Variants in MON2 observed in about 807,000 individuals in gnomAD.
The protein encoded by MON2 is MON2 regulator of endosome-to-Golgi trafficking.
A neutral mutation model predicts 208.6 loss-of-function variants in MON2; 84 were observed. The ratio of observed to expected loss-of-function variants is 0.40; its 90% CI spans 0.34 to 0.48. The LOEUF (loss-of-function observed/expected upper bound fraction) is 0.48. MON2 is among the 20% of genes least tolerant of loss of function. The probability of loss-of-function intolerance (pLI) is 0.59; values close to 1 mark genes in which losing one functional copy is unlikely to be tolerated. For missense variants in MON2, 1,611 were observed against 2,015.4 expected, an observed-to-expected ratio of 0.80 and a Z score of 3.84; for synonymous variants, 660 against 694.0, an observed-to-expected ratio of 0.95 and a Z score of 0.77.
intron 24 of MON2, among the ~76,000 whole-genome samples, chr12:62,555,580 C>T (rs1057048238): frequency 5.3e-5 from 8 of 152,036 alleles, no homozygotes; most frequent in South Asian, 2.1e-4. Context: ...GAGGTCGAGG[C>T]GGGCAGTTCA....
intron 29 of MON2, among the ~76,000 whole-genome samples, chr12:62,570,028 T>G (rs1341917315): frequency 2.0e-5 from 3 of 152,238 alleles, no homozygotes; most frequent in Non-Finnish European, 2.9e-5. Flanking sequence ...CCTGACAGTA[T>G]GCCAAAACTG....
In MON2 at chr12:62,534,569, T is replaced by A. The variant is rs1449005936; in HGVS notation, c.1634-276T>A. Among the ~76,000 whole-genome samples the A allele has an allele frequency of 7.3e-4, 84 of 114,604 alleles. 1 individual carries two copies. The highest frequency in any genetic ancestry group is 2.8e-3 in the African/African-American group (82 of 29,100). 75.2% of individuals were successfully genotyped at this position (114,604 alleles called of 152,430 possible). ...TATATATATATATATATATATATAT[T>A]TTATATATATATATAAAATTTAACG... On this transcript the variant is annotated intron_variant, in intron 12 of 34. Coordinates refer to ENST00000393630, the MANE Select transcript of MON2 (RefSeq NM_015026.3).
At position 62,467,070 on chromosome 12, in the gene MON2, G is replaced by T. The variant is rs578195945; in HGVS notation, c.-138G>T. 3.0e-6 allele frequency: 2 copies of T among 668,136 alleles called. No individual in the cohort carries two copies. The highest frequency in any genetic ancestry group is 2.7e-5 in the East Asian group (1 of 36,518). 41.4% of individuals were successfully genotyped at this position (668,136 alleles called of 1,614,324 possible). A position where few individuals can be genotyped will look rare whatever the true frequency, so the allele number is the denominator to read the frequency against. On this transcript the variant is annotated 5_prime_UTR_variant, in exon 1 of 35. Coordinates refer to ENST00000393630, the MANE Select transcript of MON2 (RefSeq NM_015026.3). Reference sequence around the variant, plus strand: ...CTGGGGGACGCTCGAGCAGGCTCCGGGTTCGCAGCCCAGGGCCCAAGAAGC... The same window carrying T: ...CTGGGGGACGCTCGAGCAGGCTCCGTGTTCGCAGCCCAGGGCCCAAGAAGC...
rs2075455906 is a variant in MON2 at position 62,593,443 on chromosome 12, A to T, written c.*694A>T. 1 of 152,538 alleles carries T rather than the reference A, an allele frequency of 6.6e-6. No homozygotes were observed. The highest frequency in any genetic ancestry group is 6.5e-5 in the Admixed American group (1 of 15,268). 9.4% of individuals were successfully genotyped at this position (152,538 alleles called of 1,614,324 possible). A position where few individuals can be genotyped will look rare whatever the true frequency, so the allele number is the denominator to read the frequency against. ...ATGCAGTTAGCTTCATGCTTATTTT[A>T]AATGTATTATTAGTGACCATTAAAC... On this transcript the variant is annotated 3_prime_UTR_variant, in exon 35 of 35. Coordinates refer to ENST00000393630, the MANE Select transcript of MON2 (RefSeq NM_015026.3).
At chr12:62,570,233 T>A (rs562581769) in intron 29 of MON2, among the ~76,000 whole-genome samples, 1 of 152,292 alleles carries the variant, frequency 6.6e-6, no homozygotes, top group East Asian at 1.9e-4. Flanking sequence ...ATATATCTAG[T>A]CACTGTACAT....
Position 62,560,640 on chromosome 12 carries a change from A to G in MON2, c.3559A>G (p.Thr1187Ala). The change falls in exon 26 of 35, where the codon ACA (threonine) becomes GCA (alanine). Residue 1187 changes from threonine (T) to alanine (A), a missense_variant. Coordinates refer to ENST00000393630, the MANE Select transcript of MON2 (RefSeq NM_015026.3). ...SPVRDSDKPE[T>A]PPVVNVPVPV... Reference sequence around the variant, plus strand: ...TGTCAGAGACTCAGATAAGCCTGAGACACCACCTGTAGTTAATGTACCTGT... The same window carrying G: ...TGTCAGAGACTCAGATAAGCCTGAGGCACCACCTGTAGTTAATGTACCTGT... 2 of 1,614,032 alleles carry G rather than the reference A, an allele frequency of 1.2e-6. No homozygotes were observed. Among genetic ancestry groups the G allele is most frequent in the Non-Finnish European group, 8.5e-7 (1 of 1,179,998 alleles).
At chr12:62,512,343 G>A (rs977615625) in intron 8 of MON2, among the ~76,000 whole-genome samples, 1 of 152,208 alleles carries the variant, frequency 6.6e-6, no homozygotes, top group African/African-American at 2.4e-5. Context: ...TTACTTCCTA[G>A]ATACAATGGG....
chr12:62,507,103 C>G (rs964743611), intron 7 of MON2, among the ~76,000 whole-genome samples: 4 of 152,080 alleles, frequency 2.6e-5, no homozygotes, highest in African/African-American at 9.7e-5. Flanking sequence ...ATCAGCTCAT[C>G]ATGTTCTGTT....
chr12:62,582,955 G>C (rs1050506284), intron 32 of MON2, among the ~76,000 whole-genome samples: 19 of 152,142 alleles, frequency 1.2e-4, no homozygotes, highest in African/African-American at 4.3e-4. Context: ...ATAAAATGCA[G>C]AGTCACTGAA....
intron 11 of MON2, among the ~76,000 whole-genome samples, chr12:62,527,281 AG>A (rs2072383625): frequency 6.6e-6 from 1 of 152,106 alleles, no homozygotes; most frequent in Admixed American, 6.5e-5. Context: ...AATGAAACAG[AG>A]TCTTCGGCTA....
At position 62,560,972 on chromosome 12, in the gene MON2, A is replaced by AC; in HGVS notation, c.3891_3892insC (p.Lys1298GlnfsTer65). ...CTGGTTTCAATATGGATGACTTGCA[A>AC]AAGTTGGGAGTCATATTGCACAGTG... On this transcript the variant is annotated frameshift_variant, in exon 26 of 35. Coordinates refer to ENST00000393630, the MANE Select transcript of MON2 (RefSeq NM_015026.3). LOFTEE classifies it high-confidence loss of function. 1 of 1,614,034 alleles carries AC rather than the reference A, an allele frequency of 6.2e-7. No homozygotes were observed. Among genetic ancestry groups the AC allele is most frequent in the Non-Finnish European group, 8.5e-7 (1 of 1,179,914 alleles).
chr12:62,587,619 T>C (rs572080169), intron 33 of MON2, among the ~76,000 whole-genome samples: 7 of 151,314 alleles, frequency 4.6e-5, no homozygotes, highest in African/African-American at 1.5e-4. Flanking sequence ...GGCATGCCCC[T>C]GTAGTCCCAG....
intron 7 of MON2, among the ~76,000 whole-genome samples, chr12:62,504,710 C>T (rs10877866): frequency 0.37 from 56,157 of 152,040 alleles, 10,574 homozygotes; most frequent in African/African-American, 0.41. Context: ...TTCACATATG[C>T]AATCAAAATT....
chr12:62,584,350 G>A (rs2075119057), intron 32 of MON2, among the ~76,000 whole-genome samples: 1 of 152,094 alleles, frequency 6.6e-6, no homozygotes, highest in African/African-American at 2.4e-5. Flanking sequence ...CTCATTGATT[G>A]TTTCTTAGGA....
At chr12:62,539,918 G>A (rs192279877) in intron 19 of MON2, among the ~76,000 whole-genome samples, 23 of 152,028 alleles carry the variant, frequency 1.5e-4, no homozygotes, top group African/African-American at 5.5e-4. Flanking sequence ...GCTGTGAGTC[G>A]AGATTGTGCC....
rs1333713125 is a variant in MON2 at position 62,599,574 on chromosome 12, C to T, written c.*6825C>T. On this transcript the variant is annotated 3_prime_UTR_variant, in exon 35 of 35. Transcript: ENST00000393630. Reference sequence around the variant, plus strand: ...AGGCCAAGGCTTTGCCTATATTATTCCCTTTAATCCTCAAAGTAGCCTTGC... The same window carrying T: ...AGGCCAAGGCTTTGCCTATATTATTTCCTTTAATCCTCAAAGTAGCCTTGC... 6.6e-6 allele frequency: 1 copy of T among 152,132 alleles called. No individual in the cohort carries two copies. Among genetic ancestry groups the T allele is most frequent in the Non-Finnish European group, 1.5e-5 (1 of 68,016 alleles). The allele number at this position is 152,132 out of a possible 1,614,324, so 9.4% of individuals were successfully genotyped here.
chr12:62,484,089 G>A lies in MON2; in HGVS notation c.112-81G>A, dbSNP rs561606675. The A allele has an allele frequency of 1.1e-5, 11 of 1,000,234 alleles. No homozygotes were observed. In the Admixed American group the frequency reaches 1.5e-4, roughly 14 times the overall value. The allele number at this position is 1,000,234 out of a possible 1,614,324, so 62.0% of individuals were successfully genotyped here. On this transcript the variant is annotated intron_variant, in intron 1 of 34. Transcript: ENST00000393630. ...TGACTGACTTTGTGCTTGATATTTT[G>A]TCTATCACATATGACTTATTTTCCA...
At chr12:62,484,374 T>C in intron 2 of MON2, 141 bp downstream of exon 2, 1 of 587,844 alleles carries the variant, frequency 1.7e-6, no homozygotes, top group Non-Finnish European at 3.0e-6. Context: ...TGAAACAGAA[T>C]GGGCAAAAGT....
chr12:62,468,974 A>C (rs948922521), intron 1 of MON2, among the ~76,000 whole-genome samples: 3 of 152,062 alleles, frequency 2.0e-5, no homozygotes. Context: ...GATTTTGGAA[A>C]TGGGGTCTCT....
Sources: gnomAD v4.1 joint callset for allele counts (sites outside exome capture counted in the v4.1 genomes callset) on GRCh38, gnomAD v4.1.1 for gene constraint, MANE v1.5 for transcripts, NCBI Gene and HGNC (gene_info 2026-07-23, HGNC 2026-07-21) for gene names.